Variants in CAST observed in about 807,000 individuals in gnomAD.
CAST encodes the protein calpastatin.
Under a neutral mutation model 119.6 loss-of-function variants are expected in CAST, and 76 were observed. The observed-to-expected ratio is 0.64, with a 90% CI of 0.53 to 0.77. The LOEUF is 0.77. Ranked by LOEUF, CAST falls within the 30% of genes least tolerant of loss-of-function variation. The pLI is 0.00. For synonymous variants in CAST, 319 were observed against 331.6 expected (o/e 0.96, Z 0.41); for missense variants, 953 against 946.5 (o/e 1.01, Z -0.09).
chr5:96,697,350 G>A (rs775499953), intron 3 of CAST, among the ~76,000 whole-genome samples: 1 of 151,648 alleles, frequency 6.6e-6, no homozygotes, highest in Non-Finnish European at 1.5e-5. Flanking sequence ...TCTCATAGAT[G>A]TCACTTGCTC....
At chr5:96,662,322 T>TGG, upstream of CAST, 1 of 567,042 alleles carries the variant, frequency 1.8e-6, no homozygotes, top group Non-Finnish European at 2.5e-6. Context: ...GGCCCTCCGC[T>TGG]CCCTCCCTCC....
chr5:95,992,797 A>G, the CAST span, among the ~76,000 whole-genome samples: 1 of 152,192 alleles, frequency 6.6e-6, no homozygotes. Flanking sequence ...TGTGAGAACT[A>G]TACCACTTTC....
the CAST span, among the ~76,000 whole-genome samples, chr5:96,004,531 G>T: frequency 6.6e-6 from 1 of 152,116 alleles, no homozygotes; most frequent in Admixed American, 6.6e-5. Flanking sequence ...GTAATTAAAT[G>T]GGGAGACAGA....
intron 1 of CAST, among the ~76,000 whole-genome samples, chr5:96,562,946 T>A (rs1333538245): frequency 6.6e-6 from 1 of 151,490 alleles, no homozygotes; most frequent in Admixed American, 6.6e-5. Flanking sequence ...TTCCTGCCCT[T>A]CTCTCCTGAA....
At chr5:96,687,332 G>A (rs943051099) in intron 2 of CAST, among the ~76,000 whole-genome samples, 1 of 152,212 alleles carries the variant, frequency 6.6e-6, no homozygotes, top group Admixed American at 6.5e-5. Context: ...AGAGCTCAGA[G>A]GAGCCTGATT....
chr5:96,107,865 C>G, the CAST span, among the ~76,000 whole-genome samples: 6 of 152,200 alleles, frequency 3.9e-5, no homozygotes, highest in African/African-American at 4.8e-5. Flanking sequence ...GTACACCAAT[C>G]AGACGTAGAT....
At chr5:96,168,476 C>G in the CAST span, among the ~76,000 whole-genome samples, 1 of 152,116 alleles carries the variant, frequency 6.6e-6, no homozygotes, top group East Asian at 1.9e-4. Context: ...ACGCGTAATT[C>G]CTTTGCAAGA....
At chr5:96,296,730 C>G in the CAST span, among the ~76,000 whole-genome samples, 1 of 152,180 alleles carries the variant, frequency 6.6e-6, no homozygotes, top group East Asian at 1.9e-4. Context: ...TGTGTTAACT[C>G]TCTGCTGATG....
chr5:96,205,616 T>A, the CAST span, among the ~76,000 whole-genome samples: 1 of 152,120 alleles, frequency 6.6e-6, no homozygotes, highest in East Asian at 1.9e-4. Context: ...GGTCTCCTGC[T>A]CCATACATGT....
At chr5:96,556,899 C>T (rs1196140659) in intron 1 of CAST, among the ~76,000 whole-genome samples, 2 of 152,064 alleles carry the variant, frequency 1.3e-5, no homozygotes, top group Non-Finnish European at 2.9e-5. Context: ...CTCCAAGACA[C>T]ATAATTGTCA....
At chr5:96,527,579 T>C (rs1226722519), upstream of CAST, among the ~76,000 whole-genome samples, 1 of 152,184 alleles carries the variant, frequency 6.6e-6, no homozygotes, top group East Asian at 1.9e-4. Context: ...GGCTCATAGG[T>C]GATACAAGCT....
the CAST span, among the ~76,000 whole-genome samples, chr5:96,107,825 A>T: frequency 6.6e-6 from 1 of 152,196 alleles, no homozygotes; most frequent in South Asian, 2.1e-4. Context: ...GTGTTTTCCA[A>T]CTTGTTTCCA....
chr5:96,564,851 G>C (rs575970844), intron 1 of CAST, among the ~76,000 whole-genome samples: 21 of 152,338 alleles, frequency 1.4e-4, no homozygotes, highest in African/African-American at 5.1e-4. Context: ...TGAGGCTGCA[G>C]TGAGCTGTGA....
the CAST span, among the ~76,000 whole-genome samples, chr5:96,480,779 TAA>T: frequency 6.6e-6 from 1 of 152,316 alleles, no homozygotes; most frequent in Non-Finnish European, 1.5e-5. Context: ...TCTATACTGT[TAA>T]GTTTTACAGA....
chr5:96,665,187 T>C (rs1289189443), intron 1 of CAST, among the ~76,000 whole-genome samples: 1 of 152,206 alleles, frequency 6.6e-6, no homozygotes, highest in Non-Finnish European at 1.5e-5. Flanking sequence ...AAACCAGTGC[T>C]ATTCAATAGA....
At chr5:96,722,989 G>A (rs1181253592) in intron 4 of CAST, among the ~76,000 whole-genome samples, 1 of 152,102 alleles carries the variant, frequency 6.6e-6, no homozygotes, top group Non-Finnish European at 1.5e-5. Flanking sequence ...TGTCACCTAG[G>A]CTGGAGTATA....
the CAST span, among the ~76,000 whole-genome samples, chr5:96,333,184 C>T: frequency 6.6e-6 from 1 of 151,918 alleles, no homozygotes; most frequent in African/African-American, 2.4e-5. Context: ...GGGGCAGGGG[C>T]TTGGGGCTCC....
At chr5:96,684,665 C>T (rs1477082762) in intron 2 of CAST, among the ~76,000 whole-genome samples, 3 of 151,616 alleles carry the variant, frequency 2.0e-5, no homozygotes, top group African/African-American at 7.3e-5. Context: ...TGGGTTCAAG[C>T]GATTCTCCTG....
chr5:96,317,308 A>C, the CAST span, among the ~76,000 whole-genome samples: 3 of 119,864 alleles, frequency 2.5e-5, no homozygotes, highest in East Asian at 7.0e-4. Flanking sequence ...TACCAAAAAT[A>C]CAAAAAAAAA....
Sources: gnomAD v4.1 joint callset for allele counts (sites outside exome capture counted in the v4.1 genomes callset) on GRCh38, gnomAD v4.1.1 for gene constraint, MANE v1.5 for transcripts, NCBI Gene and HGNC (gene_info 2026-07-23, HGNC 2026-07-21) for gene names.